PCDHA11: variants seen among roughly 807,000 people sequenced by gnomAD.
PCDHA11 encodes the protein protocadherin alpha-11.
Under a neutral mutation model 70.3 loss-of-function variants are expected in PCDHA11, and 61 were observed. The ratio of observed to expected loss-of-function variants is 0.87; its 90% CI spans 0.71 to 1.07. PCDHA11 has a LOEUF of 1.07. Ranked by LOEUF, PCDHA11 falls within the 50% of genes least tolerant of loss-of-function variation. The pLI is 0.00. For synonymous variants in PCDHA11, 633 were observed against 555.1 expected, an observed-to-expected ratio of 1.14 and a Z score of -1.97; for missense variants, 1,324 against 1,237.5, an observed-to-expected ratio of 1.07 and a Z score of -1.05.
chr5:140,967,415 C>T, intron 1 of PCDHA11: 1 of 1,613,142 alleles, frequency 6.2e-7, no homozygotes, highest in African/African-American at 1.3e-5. Flanking sequence ...GGGCCTAGAC[C>T]GGGAGCAGGC....
At chr5:140,960,400 G>T (rs566510688) in intron 1 of PCDHA11, among the ~76,000 whole-genome samples, 4 of 152,114 alleles carry the variant, frequency 2.6e-5, no homozygotes, top group African/African-American at 9.6e-5. Context: ...ATGCAAGGGG[G>T]GGTGCCCAAA....
chr5:140,929,065 C>G, intron 1 of PCDHA11: 1 of 1,614,194 alleles, frequency 6.2e-7, no homozygotes. Context: ...TACAGAGGAT[C>G]TGAGGTATGG....
intron 1 of PCDHA11, among the ~76,000 whole-genome samples, chr5:140,899,128 T>A (rs1217010779): frequency 3.9e-5 from 6 of 152,160 alleles, no homozygotes; most frequent in Non-Finnish European, 7.3e-5. Context: ...CAATCATGTC[T>A]TCTGCAAACA....
intron 1 of PCDHA11, among the ~76,000 whole-genome samples, chr5:140,970,875 AT>A (rs1213440334): frequency 6.6e-6 from 1 of 152,100 alleles, no homozygotes; most frequent in African/African-American, 2.4e-5. Flanking sequence ...TTGAGAGTAG[AT>A]TTTTCTCATG....
intron 1 of PCDHA11, chr5:140,876,814 G>A (rs571648883): frequency 1.1e-5 from 18 of 1,614,108 alleles, no homozygotes; most frequent in Non-Finnish European, 1.5e-5. Context: ...GGTGGCCGAC[G>A]TGAACGACAA....
intron 1 of PCDHA11, among the ~76,000 whole-genome samples, chr5:140,961,205 T>A (rs1215243152): frequency 1.3e-5 from 2 of 152,172 alleles, no homozygotes; most frequent in African/African-American, 4.8e-5. Context: ...GAGGTTGGTA[T>A]TGATGAAGAA....
chr5:140,947,188 T>C (rs2153678869), intron 1 of PCDHA11, among the ~76,000 whole-genome samples: 1 of 151,448 alleles, frequency 6.6e-6, no homozygotes, highest in South Asian at 2.1e-4. Context: ...CATGGTATAC[T>C]ACACAGCCTT....
At chr5:140,880,759 T>C (rs2058465198) in intron 1 of PCDHA11, among the ~76,000 whole-genome samples, 1 of 152,188 alleles carries the variant, frequency 6.6e-6, no homozygotes. Context: ...TAACTGCGTG[T>C]TGGAGGCTAA....
chr5:140,984,243 C>T (rs781830326), intron 3 of PCDHA11, among the ~76,000 whole-genome samples: 2 of 152,246 alleles, frequency 1.3e-5, no homozygotes, highest in Non-Finnish European at 2.9e-5. Context: ...CATTGTAGGT[C>T]GACCTGGTAA....
intron 1 of PCDHA11, among the ~76,000 whole-genome samples, chr5:140,880,237 T>C (rs2058279701): frequency 6.6e-6 from 1 of 152,148 alleles, no homozygotes; most frequent in Non-Finnish European, 1.5e-5. Flanking sequence ...AATTAGTGTA[T>C]GTGCGTGTGT....
In PCDHA11 at chr5:140,870,836, A is replaced by G. The variant is rs375475405; in HGVS notation, c.1733A>G (p.Lys578Arg). The change falls in exon 1 of 4, where the codon AAG (lysine) becomes AGG (arginine). Residue 578 changes from lysine (K) to arginine (R), a missense_variant. Transcript: ENST00000398640. ...QAGSAGGAVNKLVPRSVGAGH... is the reference protein window; with the variant it reads ...QAGSAGGAVNRLVPRSVGAGH... ...GGCAGCGCGGGAGGCGCAGTTAACA[A>G]GCTAGTACCGCGGTCGGTGGGTGCG... The G allele has an allele frequency of 1.9e-6, 3 of 1,613,796 alleles. No individual in the cohort carries two copies. The highest frequency in any genetic ancestry group is 2.5e-6 in the Non-Finnish European group (3 of 1,179,872).
chr5:140,943,005 C>T (rs1383622610), intron 1 of PCDHA11, among the ~76,000 whole-genome samples: 2 of 151,608 alleles, frequency 1.3e-5, no homozygotes, highest in African/African-American at 4.8e-5. Context: ...GCCTGTAATC[C>T]CAGCACTTTG....
intron 1 of PCDHA11, among the ~76,000 whole-genome samples, chr5:140,943,772 T>G (rs371770047): frequency 2.9e-4 from 44 of 152,232 alleles, no homozygotes; most frequent in African/African-American, 6.7e-4. Context: ...GGAAAAAAAC[T>G]AGGAAGTGGT....
chr5:140,876,297 A>G, intron 1 of PCDHA11: 1 of 1,614,092 alleles, frequency 6.2e-7, no homozygotes, highest in Non-Finnish European at 8.5e-7. Flanking sequence ...GACTTAATGG[A>G]GAAATTTCCT....
chr5:140,928,959 T>C (rs782250969), intron 1 of PCDHA11: 1 of 1,613,980 alleles, frequency 6.2e-7, no homozygotes, highest in South Asian at 1.1e-5. Context: ...TTGCCTTGGC[T>C]TGTATTTCCT....
chr5:140,998,497 G>A (rs1367409428), intron 3 of PCDHA11, among the ~76,000 whole-genome samples: 2 of 152,090 alleles, frequency 1.3e-5, no homozygotes, highest in East Asian at 3.8e-4. Flanking sequence ...TTTGAGAACA[G>A]GGTACTTGTC....
intron 1 of PCDHA11, among the ~76,000 whole-genome samples, chr5:140,950,687 C>A (rs2153690415): frequency 6.6e-6 from 1 of 152,106 alleles, no homozygotes; most frequent in South Asian, 2.1e-4. Context: ...ATATTGTTAA[C>A]CAAATTTGAC....
At chr5:140,959,800 G>A (rs193288186) in intron 1 of PCDHA11, among the ~76,000 whole-genome samples, 1 of 152,080 alleles carries the variant, frequency 6.6e-6, no homozygotes, top group Admixed American at 6.5e-5. Context: ...CTAATTTAGA[G>A]GATTTATATT....
At chr5:140,933,133 G>T (rs782720038) in intron 1 of PCDHA11, among the ~76,000 whole-genome samples, 1 of 151,914 alleles carries the variant, frequency 6.6e-6, no homozygotes, top group Non-Finnish European at 1.5e-5. Context: ...AATAATAAAG[G>T]TAGATAGCCA....
Sources: allele counts gnomAD v4.1 joint callset (sites outside exome capture counted in the v4.1 genomes callset), GRCh38; gene constraint gnomAD v4.1.1; transcripts MANE v1.5; gene names NCBI Gene and HGNC (gene_info 2026-07-23, HGNC 2026-07-21).